The following DLG5 variants were observed in gnomAD, a reference collection of about 807,000 sequenced individuals.
DLG5 encodes the protein discs large MAGUK scaffold protein 5.
DLG5 carries 48 observed loss-of-function variants against 189.8 expected under a neutral mutation model. That is an observed-to-expected ratio of 0.25 (90% CI 0.20 to 0.32). The LOEUF (loss-of-function observed/expected upper bound fraction) is 0.32. Ranked by LOEUF, DLG5 falls within the 10% of genes least tolerant of loss-of-function variation. The pLI is 1.00. For synonymous variants in DLG5, 1,016 were observed against 1,054.1 expected, an observed-to-expected ratio of 0.96 and a Z score of 0.70; for missense variants, 2,160 against 2,544.7, an observed-to-expected ratio of 0.85 and a Z score of 3.25.
At chr10:77,931,593 T>A (rs781170592), upstream of DLG5, among the ~76,000 whole-genome samples, 1 of 152,060 alleles carries the variant, frequency 6.6e-6, no homozygotes, top group Non-Finnish European at 1.5e-5. Context: ...AAAACTGTTG[T>A]CTCCCATCCT....
At chr10:77,861,439 C>T (rs183498273) in intron 2 of DLG5, among the ~76,000 whole-genome samples, 3 of 152,284 alleles carry the variant, frequency 2.0e-5, no homozygotes, top group South Asian at 4.1e-4. Flanking sequence ...AGATGCAGCC[C>T]TGGCTTTCAA....
chr10:77,842,995 T>C (rs1255359278), intron 6 of DLG5, among the ~76,000 whole-genome samples: 1 of 152,178 alleles, frequency 6.6e-6, no homozygotes, highest in Non-Finnish European at 1.5e-5. Flanking sequence ...AAAACACTGT[T>C]TGAGGGCATA....
At chr10:77,900,764 A>G (rs1268805069) in intron 1 of DLG5, among the ~76,000 whole-genome samples, 2 of 152,174 alleles carry the variant, frequency 1.3e-5, no homozygotes, top group East Asian at 1.9e-4. Context: ...GTAAAACCCC[A>G]TCTCTACTAA....
chr10:77,831,761 A>T (rs11002306), intron 9 of DLG5, among the ~76,000 whole-genome samples: 43,710 of 152,200 alleles, frequency 0.29, 6,638 homozygotes, highest in Non-Finnish European at 0.35. Context: ...AACCTAAACC[A>T]CTTAACCTCG....
At chr10:77,820,062 G>A (rs1232996140) in intron 15 of DLG5, 44 bp from the exon 16 acceptor site, 3 of 1,608,004 alleles carry the variant, frequency 1.9e-6, no homozygotes, top group Non-Finnish European at 2.5e-6. Context: ...AGAGTGGAGT[G>A]TGGCCAGGCG....
At chr10:77,807,587 G>A (rs757983560) in intron 25 of DLG5, among the ~76,000 whole-genome samples, 1 of 152,166 alleles carries the variant, frequency 6.6e-6, no homozygotes, top group South Asian at 2.1e-4. Flanking sequence ...TAAAGAGGGG[G>A]CCCAGCTGGT....
At chr10:77,824,117 A>C (rs1045754247) in intron 14 of DLG5, among the ~76,000 whole-genome samples, 3 of 152,206 alleles carry the variant, frequency 2.0e-5, no homozygotes, top group African/African-American at 7.2e-5. Context: ...TGCCATCATC[A>C]TACCTAGGAA....
Position 77,806,738 on chromosome 10 carries a change from C to CCCCCCCCCCCCCAAAAAAAAAA in DLG5, c.4967+19_4967+20insTTTTTTTTTTGGGGGGGGGGGG. On this transcript the variant is annotated intron_variant, in intron 26 of 31. Transcript: ENST00000372391. ...CGGCGACCCCTGCCCCACCCCACCC[C>CCCCCCCCCCCCCAAAAAAAAAA]AGGCCCGGAGAACACTTACACATAT... is the stretch of plus-strand genomic sequence containing the variant. The CCCCCCCCCCCCCAAAAAAAAAA allele has an allele frequency of 6.4e-7, 1 of 1,574,714 alleles. No homozygotes were observed. The highest frequency in any genetic ancestry group is 8.7e-7 in the Non-Finnish European group (1 of 1,147,900).
chr10:77,824,819 A>G (rs1842539153), intron 13 of DLG5: 2 of 237,116 alleles, frequency 8.4e-6, no homozygotes, highest in Admixed American at 1.1e-4. Context: ...TTGCCTCCAC[A>G]GAGGAAATGG....
rs1482627908 is a variant in DLG5, at chr10:77,819,336, T to C, written c.3656A>G (p.Gln1219Arg). The change falls in exon 17 of 32, where the codon CAG becomes CGG. Residue 1219 changes from glutamine (Q) to arginine (R), a missense_variant. Transcript: ENST00000372391. ...SPPAARDAGP[Q>R]GLHPSVQHQG... ...CTTCACATACCTGGGATGCAAACCC[T>C]GGGGGCCAGCATCTCGGGCCGCAGG... 6.2e-7 allele frequency: 1 copy of C among 1,613,916 alleles called. No homozygotes were observed. The highest frequency in any genetic ancestry group is 2.2e-5 in the East Asian group (1 of 44,858).
chr10:77,867,289 G>A (rs1844721184), intron 2 of DLG5, among the ~76,000 whole-genome samples: 1 of 152,188 alleles, frequency 6.6e-6, no homozygotes, highest in Admixed American at 6.5e-5. Flanking sequence ...ATGTGCCTAG[G>A]AAAGGTAACG....
chr10:77,888,175 G>A (rs752662526), intron 1 of DLG5, among the ~76,000 whole-genome samples: 14 of 152,200 alleles, frequency 9.2e-5, no homozygotes, highest in Non-Finnish European at 1.6e-4. Context: ...AGAGGTGGGC[G>A]GGGAGGGCTG....
At chr10:77,937,490 A>G in the DLG5 span, among the ~76,000 whole-genome samples, 23 of 152,118 alleles carry the variant, frequency 1.5e-4, no homozygotes, top group Non-Finnish European at 2.8e-4. Context: ...CACAGTGCCT[A>G]TGACAGAGGA....
chr10:77,874,575 T>C lies in DLG5; in HGVS notation c.305-5378A>G, dbSNP rs144267996. Among the ~76,000 whole-genome samples the C allele has an allele frequency of 4.6e-5, 7 of 152,344 alleles. No individual in the cohort carries two copies. The East Asian group carries it at 1.3e-3, about 29-fold the overall frequency. Reference sequence around the variant, plus strand: ...AGGAAAAACAAAATTATCTTCAGGCTATGTGTATATAAGGTGTATATGAAA... The same window carrying C: ...AGGAAAAACAAAATTATCTTCAGGCCATGTGTATATAAGGTGTATATGAAA... On this transcript the variant is annotated intron_variant, in intron 1 of 31. Transcript: ENST00000372391.
Position 77,811,931 on chromosome 10 carries a change from G to A in DLG5, c.4315C>T (p.Arg1439Trp), listed in dbSNP as rs368655783. The stretch of plus-strand genomic sequence containing the variant: ...TGGGAGGCCCGCACTCACCTGGACC[G>A]GGAGTGGCTGCTGAGCTGGTGCACG... ...PHVHQLSSHSRSSSHLDPAGT... is the reference protein window; with the variant it reads ...PHVHQLSSHSWSSSHLDPAGT... Residue 1439 changes from arginine to tryptophan, a missense_variant, in exon 22 of 32, where the codon CGG becomes TGG. Around this residue, in one of 5 missense-constraint regions of DLG5, gnomAD observed 574 missense variants for 644.2 expected, o/e 0.89. Coordinates refer to ENST00000372391, the MANE Select transcript of DLG5 (RefSeq NM_004747.4). 6.5e-5 allele frequency: 105 copies of A among 1,604,848 alleles called. No individual in the cohort carries two copies. Among genetic ancestry groups the A allele is most frequent in the South Asian group, 2.2e-4 (20 of 91,022 alleles).
At chr10:77,882,623 G>A (rs139583209) in intron 1 of DLG5, among the ~76,000 whole-genome samples, 19 of 152,082 alleles carry the variant, frequency 1.2e-4, no homozygotes, top group African/African-American at 4.6e-4. Context: ...GAATTAAAAC[G>A]CAAGAAGGCC....
chr10:77,824,848 T>G, intron 13 of DLG5: 4 of 190,220 alleles, frequency 2.1e-5, no homozygotes, highest in Non-Finnish European at 3.2e-5. Context: ...TACATGCATG[T>G]GGCTCGGGAG....
At position 77,796,102 on chromosome 10, in the gene DLG5, C is replaced by T; in HGVS notation, c.5395G>A (p.Asp1799Asn). The change falls in exon 29 of 32, where the codon GAT becomes AAT. Residue 1799 changes from aspartate (D) to asparagine (N), a missense_variant. By Grantham distance (23) the Asp-to-Asn change is conservative. Coordinates refer to ENST00000372391, the MANE Select transcript of DLG5 (RefSeq NM_004747.4). The surrounding 1 kb of genome is among the most constrained non-coding windows in gnomAD (Gnocchi z 5.2). ...VDYKRRSGHFDVTTVASIKEI... is the reference protein window; with the variant it reads ...VDYKRRSGHFNVTTVASIKEI... ...TTTATTGACGCCACAGTGGTCACAT[C>T]GAAATGGCCGCTTCTCCGCTTATAG... The T allele has an allele frequency of 1.2e-6, 2 of 1,614,192 alleles. No individual in the cohort carries two copies. Among genetic ancestry groups the T allele is most frequent in the Middle Eastern group, 1.7e-4 (1 of 6,060 alleles).
intron 1 of DLG5, among the ~76,000 whole-genome samples, chr10:77,919,584 CTTTTTTTTT>C (rs71030919): frequency 0.13 from 9,141 of 68,050 alleles, 753 homozygotes; most frequent in East Asian, 0.4. Flanking sequence ...CAGTTCAGGG[CTTTTTTTTT>C]TTTTTTTTTT....
Sources: allele counts gnomAD v4.1 joint callset (sites outside exome capture counted in the v4.1 genomes callset), GRCh38; gene constraint gnomAD v4.1.1; regional missense constraint gnomAD v4.1.1; non-coding constraint Gnocchi (gnomAD v3.1); transcripts MANE v1.5; gene names NCBI Gene and HGNC (gene_info 2026-07-23, HGNC 2026-07-21).